Variants in EYA4 observed in about 807,000 individuals in gnomAD.
EYA4 encodes EYA transcriptional coactivator and phosphatase 4.
A neutral mutation model predicts 87.9 loss-of-function variants in EYA4; 31 were observed. The ratio of observed to expected loss-of-function variants is 0.35; its 90% CI spans 0.27 to 0.48. The LOEUF is 0.48. Among genes scored for constraint, EYA4 ranks in the 20% least tolerant of loss-of-function variants. EYA4 has a pLI of 0.99. For missense variants in EYA4, 678 were observed against 761.4 expected (o/e 0.89, Z 1.29); for synonymous variants, 263 against 270.6 (o/e 0.97, Z 0.28).
intron 19 of EYA4, among the ~76,000 whole-genome samples, chr6:133,527,959 C>G (rs6933177): frequency 0.017 from 2,638 of 152,160 alleles, 72 homozygotes; most frequent in African/African-American, 0.058. Context: ...TAATTACTCC[C>G]TTTCATGAAA....
At chr6:133,360,672 T>C (rs751555143) in intron 2 of EYA4, 14 of 152,108 alleles carry the variant, frequency 9.2e-5, no homozygotes, top group African/African-American at 3.4e-4. Context: ...TCAACACAGG[T>C]ATGGAGAGTG....
chr6:133,498,740 TATC>T (rs1407336944), intron 13 of EYA4, among the ~76,000 whole-genome samples: 1 of 152,190 alleles, frequency 6.6e-6, no homozygotes, highest in Non-Finnish European at 1.5e-5. Flanking sequence ...TGTACATAAA[TATC>T]ATACATATGC....
chr6:133,458,773 T>A (rs1251822252), intron 6 of EYA4, among the ~76,000 whole-genome samples: 1 of 152,080 alleles, frequency 6.6e-6, no homozygotes, highest in Non-Finnish European at 1.5e-5. Context: ...CAATCTAAGA[T>A]GGCACGATAA....
intron 2 of EYA4, among the ~76,000 whole-genome samples, chr6:133,307,692 G>A (rs1215365651): frequency 6.6e-6 from 1 of 152,020 alleles, no homozygotes; most frequent in African/African-American, 2.4e-5. Flanking sequence ...GTACAGGCAT[G>A]GTTCTAAGCA....
At chr6:133,359,795 A>G (rs556599301) in intron 2 of EYA4, among the ~76,000 whole-genome samples, 3 of 152,364 alleles carry the variant, frequency 2.0e-5, no homozygotes, top group African/African-American at 7.2e-5. Flanking sequence ...TTTCAAATCA[A>G]TTGTGAATAA....
At chr6:133,406,282 C>T (rs1234682501) in intron 3 of EYA4, among the ~76,000 whole-genome samples, 2 of 152,124 alleles carry the variant, frequency 1.3e-5, no homozygotes, top group South Asian at 2.1e-4. Flanking sequence ...ACTCATGACA[C>T]GAGATGAGCT....
chr6:133,453,167 C>T (rs1310627639), intron 5 of EYA4: 1 of 151,968 alleles, frequency 6.6e-6, no homozygotes, highest in Non-Finnish European at 1.5e-5. Context: ...AGGATTTTTA[C>T]AAGTTAGTAG....
Position 133,371,990 on chromosome 6 carries a change from C to T in EYA4, c.34-10402C>T, listed in dbSNP as rs1168566584. ...AATCTATAATTCCTATACTCTTTAA[C>T]CCTTGAGCATTCCTGCTGTATGAAT... On this transcript the variant is annotated intron_variant, in intron 2 of 19. Transcript: ENST00000355286. Among the ~76,000 whole-genome samples, 6 of 152,094 alleles carry T rather than the reference C, an allele frequency of 3.9e-5. No homozygotes were observed. In the South Asian group the frequency reaches 1.2e-3, roughly 31 times the overall value.
At chr6:133,301,100 C>T (rs568813325) in intron 2 of EYA4, among the ~76,000 whole-genome samples, 96 of 152,062 alleles carry the variant, frequency 6.3e-4, no homozygotes, top group Non-Finnish European at 7.8e-4. Flanking sequence ...ATGTGAGTCA[C>T]GCTGATGAAC....
chr6:133,303,854 A>G (rs972539864), intron 2 of EYA4, among the ~76,000 whole-genome samples: 1 of 152,146 alleles, frequency 6.6e-6, no homozygotes, highest in Non-Finnish European at 1.5e-5. Context: ...TACTTTGTTC[A>G]TATCACTCCT....
intron 13 of EYA4, among the ~76,000 whole-genome samples, chr6:133,495,492 G>A (rs986592874): frequency 1.6e-4 from 13 of 80,552 alleles, no homozygotes; most frequent in South Asian, 2.9e-4. Context: ...ATATAGAAGA[G>A]AGAGGTAGGC....
chr6:133,388,657 TACTCAGAG>T (rs1786983654), intron 3 of EYA4, among the ~76,000 whole-genome samples: 1 of 152,188 alleles, frequency 6.6e-6, no homozygotes, highest in African/African-American at 2.4e-5. Flanking sequence ...TTCTCATTGT[TACTCAGAG>T]AATAGTTGCT....
intron 3 of EYA4, among the ~76,000 whole-genome samples, chr6:133,386,103 C>A (rs1786726025): frequency 2.0e-5 from 3 of 152,048 alleles, no homozygotes; most frequent in Admixed American, 6.6e-5. Flanking sequence ...TGTTCCTAAA[C>A]TAATGTTAAC....
intron 2 of EYA4, among the ~76,000 whole-genome samples, chr6:133,363,863 T>G (rs549638777): frequency 5.3e-5 from 8 of 152,092 alleles, no homozygotes; most frequent in Non-Finnish European, 1.0e-4. Flanking sequence ...CAGGCCTGGG[T>G]TGTCAAATGG....
intron 2 of EYA4, among the ~76,000 whole-genome samples, chr6:133,336,119 A>G (rs568236120): frequency 3.7e-4 from 56 of 152,260 alleles, no homozygotes; most frequent in African/African-American, 1.1e-3. Context: ...GGGTGTCACC[A>G]TTTTTGCAGT....
Position 133,515,343 on chromosome 6 carries a change from G to A in EYA4, c.1524G>A (p.Arg508=), listed in dbSNP as rs1347223277. 6.2e-7 allele frequency: 1 copy of A among 1,612,352 alleles called. No individual in the cohort carries two copies. The highest frequency in any genetic ancestry group is 1.7e-5 in the Admixed American group (1 of 60,002). The change falls in exon 17 of 20, where the codon AGG becomes AGA. Residue 508 remains arginine (R), a synonymous_variant. Coordinates refer to ENST00000355286, the MANE Select transcript of EYA4 (RefSeq NM_004100.5). The stretch of plus-strand genomic sequence containing the variant: ...CAGGACTCCTTGGCCCTGCCAAGAG[G>A]GATGCCTGGCTACAGTTAAGGGCAG... ...NVGGLLGPAK[R]DAWLQLRAEI...
intron 3 of EYA4, among the ~76,000 whole-genome samples, chr6:133,444,833 A>C (rs1458715738): frequency 6.6e-6 from 1 of 152,204 alleles, no homozygotes. Flanking sequence ...CAGTATGCTG[A>C]TATTTAAAGT....
Position 133,254,642 on chromosome 6 carries a change from A to G in EYA4, c.-66+12893A>G, listed in dbSNP as rs1775193333. ...AAAAATTGTGGTTTTATTTTCTTGT[A>G]TGAGTCATTTTTTAGCATAGTGCAG... On this transcript the variant is annotated intron_variant, in intron 1 of 19. Coordinates refer to ENST00000355286, the MANE Select transcript of EYA4 (RefSeq NM_004100.5). Among the ~76,000 whole-genome samples the G allele has an allele frequency of 2.6e-5, 4 of 152,176 alleles. No homozygotes were observed. In the South Asian group the frequency reaches 8.3e-4, roughly 31 times the overall value.
chr6:133,297,653 T>C (rs1779042370), intron 2 of EYA4, among the ~76,000 whole-genome samples: 1 of 152,208 alleles, frequency 6.6e-6, no homozygotes, highest in South Asian at 2.1e-4. Context: ...TCACGTCTTT[T>C]CCTTTTTGTT....
Sources: gnomAD v4.1 joint callset for allele counts (sites outside exome capture counted in the v4.1 genomes callset) on GRCh38, gnomAD v4.1.1 for gene constraint, MANE v1.5 for transcripts, NCBI Gene and HGNC (gene_info 2026-07-23, HGNC 2026-07-21) for gene names.